Variants in OPCML observed in about 807,000 individuals in gnomAD.
OPCML encodes the protein opioid binding protein/cell adhesion molecule like, also known as opioid-binding protein/cell adhesion molecule.
OPCML carries 13 observed loss-of-function variants against 37.8 expected under a neutral mutation model. The ratio of observed to expected loss-of-function variants is 0.34; its 90% confidence interval spans 0.22 to 0.55. OPCML has a LOEUF of 0.55. OPCML is among the 20% of genes least tolerant of loss of function. The pLI is 0.91. For synonymous variants in OPCML, 176 were observed against 168.8 expected, an observed-to-expected ratio of 1.04 and a Z score of -0.33; for missense variants, 341 against 435.6, an observed-to-expected ratio of 0.78 and a Z score of 1.93.
rs192677138 is a variant in OPCML at position 132,479,959 on chromosome 11, C to T, written c.506-42600G>A. Among the ~76,000 whole-genome samples, 64 of 152,246 alleles carry T rather than the reference C, an allele frequency of 4.2e-4. 1 individual carries two copies. In the East Asian group the frequency reaches 9.8e-3, roughly 23 times the overall value. ...AAACTGGAAACTCTAAAAAGCAGAG[C>T]GCCTCTCCTCCTCCAAAGGAACGCA... On this transcript the variant is annotated intron_variant, in intron 4 of 7. Coordinates refer to ENST00000524381, the MANE Select transcript of OPCML (RefSeq NM_001012393.5).
In OPCML at chr11:132,676,672, C is replaced by T. The variant is rs1293824873; in HGVS notation, c.147-19353G>A. Among the ~76,000 whole-genome samples, 3 of 149,618 alleles carry T rather than the reference C, an allele frequency of 2.0e-5. No individual in the cohort carries two copies. The Admixed American group carries it at 2.0e-4, about 10-fold the overall frequency. ...AAGATATATAAATGGCCAATAAGCACATGGAAGTAAGCTAATATTATTAAT... is the reference window on the plus strand; with the variant it reads ...AAGATATATAAATGGCCAATAAGCATATGGAAGTAAGCTAATATTATTAAT... On this transcript the variant is annotated intron_variant, in intron 2 of 7. Coordinates refer to ENST00000524381, the MANE Select transcript of OPCML (RefSeq NM_001012393.5).
chr11:133,205,044 G>A lies in OPCML; in HGVS notation c.62-262034C>T, dbSNP rs542254266. ...CAGCTGGGGCCCAGGATGGCCTCAG[G>A]ATGGTGGCTGGCTGCCAGGGAAGCC... On this transcript the variant is annotated intron_variant, in intron 1 of 7. Coordinates refer to ENST00000524381, the MANE Select transcript of OPCML (RefSeq NM_001012393.5). This position sits in a 1 kb window ranked among gnomAD's most constrained non-coding sequence, Gnocchi z 4.8. Among the ~76,000 whole-genome samples the A allele has an allele frequency of 5.5e-4, 83 of 151,792 alleles. No individual in the cohort carries two copies. The highest frequency in any genetic ancestry group is 2.0e-3 in the African/African-American group (82 of 41,428).
At chr11:132,620,203 G>A (rs1187543182) in intron 3 of OPCML, among the ~76,000 whole-genome samples, 1 of 152,150 alleles carries the variant, frequency 6.6e-6, no homozygotes, top group Non-Finnish European at 1.5e-5. Flanking sequence ...CTTTCACAAA[G>A]AATGAATCCA....
chr11:132,549,671 C>G (rs929238500), intron 3 of OPCML, among the ~76,000 whole-genome samples: 9 of 152,186 alleles, frequency 5.9e-5, no homozygotes, highest in Admixed American at 3.3e-4. Context: ...AGCTTGCACG[C>G]GTGAATGCGG....
chr11:132,763,210 G>A (rs909512159), intron 2 of OPCML, among the ~76,000 whole-genome samples: 2 of 152,132 alleles, frequency 1.3e-5, no homozygotes, highest in African/African-American at 2.4e-5. Context: ...AATGACCTGC[G>A]TTCTGTGTTG....
intron 3 of OPCML, among the ~76,000 whole-genome samples, chr11:132,611,087 T>A (rs1478089521): frequency 6.6e-6 from 1 of 152,198 alleles, no homozygotes; most frequent in Non-Finnish European, 1.5e-5. Flanking sequence ...CCATGACATT[T>A]CTCTGGGATT....
At chr11:133,267,768 G>A (rs1229298274) in intron 1 of OPCML, among the ~76,000 whole-genome samples, 1 of 152,100 alleles carries the variant, frequency 6.6e-6, no homozygotes, top group African/African-American at 2.4e-5. Flanking sequence ...CTGTTCTCGA[G>A]ATAGTGAATA....
intron 1 of OPCML, among the ~76,000 whole-genome samples, chr11:133,204,866 G>A (rs368207962): frequency 2.2e-3 from 55 of 25,176 alleles, no homozygotes; most frequent in East Asian, 6.2e-3. Context: ...ATATATATAT[G>A]TGTATATATA....
intron 4 of OPCML, among the ~76,000 whole-genome samples, chr11:132,472,945 C>A (rs1371982987): frequency 6.6e-6 from 1 of 152,218 alleles, no homozygotes; most frequent in Non-Finnish European, 1.5e-5. Context: ...CCCCAAACCA[C>A]CAGGGGATTC....
intron 1 of OPCML, among the ~76,000 whole-genome samples, chr11:133,055,261 G>A (rs924402593): frequency 1.4e-5 from 2 of 144,544 alleles, no homozygotes; most frequent in South Asian, 2.2e-4. Flanking sequence ...ACTTCCAAGT[G>A]GTGAGACCCC....
At chr11:132,838,173 C>T (rs1468729151) in intron 2 of OPCML, among the ~76,000 whole-genome samples, 1 of 152,056 alleles carries the variant, frequency 6.6e-6, no homozygotes, top group Non-Finnish European at 1.5e-5. Context: ...AACTAAATAA[C>T]AAAACATGTT....
At chr11:133,273,164 T>C (rs542606452) in intron 1 of OPCML, among the ~76,000 whole-genome samples, 1 of 152,316 alleles carries the variant, frequency 6.6e-6, no homozygotes, top group South Asian at 2.1e-4. Flanking sequence ...CTATTTCATT[T>C]ATTCTAGCTG....
chr11:132,646,972 GA>G (rs886710389), intron 3 of OPCML, among the ~76,000 whole-genome samples: 33 of 152,102 alleles, frequency 2.2e-4, no homozygotes, highest in African/African-American at 7.2e-4. Flanking sequence ...AAACAAGAGA[GA>G]AAAAAGTTTA....
chr11:133,426,908 A>C (rs567821829), intron 1 of OPCML, among the ~76,000 whole-genome samples: 1 of 152,238 alleles, frequency 6.6e-6, no homozygotes, highest in South Asian at 2.1e-4. Flanking sequence ...TATTACAGTG[A>C]AAATAGGTAT....
intron 1 of OPCML, among the ~76,000 whole-genome samples, chr11:133,084,740 T>C (rs778081941): frequency 6.6e-5 from 10 of 152,192 alleles, no homozygotes; most frequent in Non-Finnish European, 1.5e-4. Flanking sequence ...GAGTATGAGA[T>C]CACCTGTTAT....
chr11:132,619,028 A>G (rs1357361812), intron 3 of OPCML, among the ~76,000 whole-genome samples: 1 of 151,512 alleles, frequency 6.6e-6, no homozygotes, highest in Non-Finnish European at 1.5e-5. Flanking sequence ...ATGTTTCCCT[A>G]TGGTTTCGAG....
chr11:132,430,535 G>A (rs538175694), intron 7 of OPCML, among the ~76,000 whole-genome samples: 3 of 152,322 alleles, frequency 2.0e-5, no homozygotes, highest in South Asian at 2.1e-4. Context: ...GAGGCAGGCT[G>A]GAGTCACAGC....
intron 3 of OPCML, among the ~76,000 whole-genome samples, chr11:132,615,042 ATACTC>A (rs1938908471): frequency 6.6e-6 from 1 of 152,208 alleles, no homozygotes; most frequent in Non-Finnish European, 1.5e-5. Context: ...TATTCTACCT[ATACTC>A]TACAAAGGAT....
At chr11:132,989,792 T>TA (rs1946742782) in intron 1 of OPCML, among the ~76,000 whole-genome samples, 1 of 152,184 alleles carries the variant, frequency 6.6e-6, no homozygotes, top group Non-Finnish European at 1.5e-5. Context: ...GAGATTCATT[T>TA]AAAAAATAAA....
Sources: gnomAD v4.1 joint callset for allele counts (sites outside exome capture counted in the v4.1 genomes callset) on GRCh38, gnomAD v4.1.1 for gene constraint, Gnocchi (gnomAD v3.1) non-coding constraint, MANE v1.5 for transcripts, NCBI Gene and HGNC (gene_info 2026-07-23, HGNC 2026-07-21) for gene names.